Variants in EEF2K observed in about 807,000 individuals in gnomAD.
EEF2K encodes eukaryotic elongation factor 2 kinase, also known as alternative protein EEF2K.
EEF2K carries 70 observed loss-of-function variants against 93.8 expected under a neutral mutation model. The observed-to-expected ratio is 0.75, with a 90% CI of 0.62 to 0.91. The LOEUF (loss-of-function observed/expected upper bound fraction) is 0.91. Among genes scored for constraint, EEF2K ranks in the 40% least tolerant of loss-of-function variants. The probability of loss-of-function intolerance (pLI) is 0.00; values close to 1 mark genes in which losing one functional copy is unlikely to be tolerated. For missense variants in EEF2K, 935 were observed against 972.9 expected (o/e 0.96, Z 0.52); for synonymous variants, 376 against 380.8 (o/e 0.99, Z 0.15).
intron 4 of EEF2K, among the ~76,000 whole-genome samples, chr16:22,249,540 C>G (rs1382859161): frequency 6.6e-6 from 1 of 152,092 alleles, no homozygotes; most frequent in Admixed American, 6.6e-5. Context: ...GGTAAGCACC[C>G]CTCTGAATTC....
rs1198617901 is a variant in EEF2K at position 22,233,951 on chromosome 16, A to G, written c.246+7976A>G. On this transcript the variant is annotated intron_variant, in intron 2 of 17. Coordinates refer to ENST00000263026, the MANE Select transcript of EEF2K (RefSeq NM_013302.5). The stretch of plus-strand genomic sequence containing the variant: ...TTATTTAATGGCTGAATATCATTTC[A>G]TTGTTGGAAGCACCATAATAAATGT... 2.0e-5 allele frequency among the ~76,000 whole-genome samples: 3 copies of G among 152,116 alleles called. No homozygotes were observed. The East Asian group carries it at 5.8e-4, about 29-fold the overall frequency.
intron 2 of EEF2K, among the ~76,000 whole-genome samples, chr16:22,243,070 A>G (rs2047240941): frequency 6.6e-6 from 1 of 152,018 alleles, no homozygotes; most frequent in Non-Finnish European, 1.5e-5. Context: ...TCTTGAAAAA[A>G]AAATAAAAAA....
intron 13 of EEF2K, among the ~76,000 whole-genome samples, chr16:22,265,927 G>A (rs1303206074): frequency 1.3e-5 from 2 of 152,118 alleles, no homozygotes; most frequent in Admixed American, 6.6e-5. Context: ...CTGGCGAAGG[G>A]GTTGGTTTAG....
intron 15 of EEF2K, 42 bp from the exon 16 acceptor site, chr16:22,273,584 C>G: frequency 6.2e-7 from 1 of 1,609,054 alleles, no homozygotes; most frequent in South Asian, 1.1e-5. Flanking sequence ...GAGTGTAAGC[C>G]TCATTCACTC....
At chr16:22,234,924 C>T (rs1361227072) in intron 2 of EEF2K, among the ~76,000 whole-genome samples, 1 of 139,842 alleles carries the variant, frequency 7.2e-6, no homozygotes, top group Non-Finnish European at 1.5e-5. Flanking sequence ...TCTGTTGCCC[C>T]TGCTGGAGTG....
chr16:22,221,621 C>T (rs1195672664), intron 1 of EEF2K, among the ~76,000 whole-genome samples: 1 of 152,102 alleles, frequency 6.6e-6, no homozygotes, highest in Non-Finnish European at 1.5e-5. Flanking sequence ...AAAGCCTTGG[C>T]TCTAGAAGAC....
chr16:22,257,898 C>T (rs1171363845), intron 9 of EEF2K, 128 bp downstream of exon 9: 1 of 1,393,418 alleles, frequency 7.2e-7, no homozygotes, highest in African/African-American at 1.4e-5. Flanking sequence ...GGGCTGGAAG[C>T]ATCTGTCCCA....
chr16:22,216,722 C>T (rs1444752436), intron 1 of EEF2K, among the ~76,000 whole-genome samples: 4 of 151,780 alleles, frequency 2.6e-5, no homozygotes, highest in Non-Finnish European at 2.9e-5. Flanking sequence ...AGCAAGATGC[C>T]GTCTGTAATA....
chr16:22,241,636 CAAAAA>C (rs71151666), intron 2 of EEF2K, among the ~76,000 whole-genome samples: 4 of 49,190 alleles, frequency 8.1e-5, no homozygotes, highest in Admixed American at 5.1e-4. Flanking sequence ...GAGACTGTCT[CAAAAA>C]AAAAAAAAAA....
intron 2 of EEF2K, among the ~76,000 whole-genome samples, chr16:22,236,520 G>A (rs1237130300): frequency 6.6e-6 from 1 of 151,972 alleles, no homozygotes; most frequent in Non-Finnish European, 1.5e-5. Context: ...GTCTGCAGAA[G>A]TGATGATGGG....
rs867130990 is a variant in EEF2K at position 22,257,590 on chromosome 16, G to A, written c.902-53G>A. 14 of 1,597,516 alleles carry A rather than the reference G, an allele frequency of 8.8e-6. No homozygotes were observed. In the Middle Eastern group the frequency reaches 1.2e-3, roughly 133 times the overall value. On this transcript the variant is annotated intron_variant, in intron 8 of 17. Transcript: ENST00000263026. Reference sequence around the variant, plus strand: ...ATATGTATGAGGCCCACCACTGCCTGTCCCCCGTCACAGAGCAAAGCAACA... The same window carrying A: ...ATATGTATGAGGCCCACCACTGCCTATCCCCCGTCACAGAGCAAAGCAACA...
At chr16:22,243,610 C>A (rs936229948) in intron 2 of EEF2K, among the ~76,000 whole-genome samples, 2 of 151,674 alleles carry the variant, frequency 1.3e-5, no homozygotes, top group African/African-American at 4.8e-5. Flanking sequence ...CCCTGATATC[C>A]GGGCCAGCAC....
At chr16:22,274,005 C>A (rs185288286) in intron 16 of EEF2K, among the ~76,000 whole-genome samples, 1 of 152,282 alleles carries the variant, frequency 6.6e-6, no homozygotes, top group African/African-American at 2.4e-5. Context: ...CGGTGCCTGG[C>A]ACATAAAGCA....
At position 22,206,863 on chromosome 16, in the gene EEF2K, G is replaced by A. The variant is rs555266041; in HGVS notation, c.-77+184G>A. ...TGGTTGTTAAACTCTCTGGGGCTAA[G>A]TGCTTGCTTTGGAGAAATGGGGAAG... On this transcript the variant is annotated intron_variant, in intron 1 of 17. Coordinates refer to ENST00000263026, the MANE Select transcript of EEF2K (RefSeq NM_013302.5). Among the ~76,000 whole-genome samples the A allele has an allele frequency of 2.0e-5, 3 of 152,350 alleles. No individual in the cohort carries two copies. In the East Asian group the frequency reaches 5.8e-4, roughly 29 times the overall value.
chr16:22,272,637 C>T (rs1174522895), intron 15 of EEF2K, among the ~76,000 whole-genome samples: 1 of 150,324 alleles, frequency 6.7e-6, no homozygotes, highest in Non-Finnish European at 1.5e-5. Flanking sequence ...CCATACTGTT[C>T]TGTGAATATA....
intron 2 of EEF2K, among the ~76,000 whole-genome samples, chr16:22,238,322 G>A (rs999473215): frequency 9.2e-5 from 14 of 152,052 alleles, no homozygotes; most frequent in African/African-American, 3.1e-4. Context: ...AAGATCACCC[G>A]TGCTAGCATC....
intron 3 of EEF2K, 118 bp from the exon 4 acceptor site, chr16:22,248,637 T>C: frequency 1.6e-6 from 2 of 1,231,080 alleles, no homozygotes; most frequent in Admixed American, 1.9e-5. Context: ...TGGGCCAAGG[T>C]GGAGAGTGGG....
chr16:22,261,786 C>CT (rs1450118321), intron 11 of EEF2K, among the ~76,000 whole-genome samples: 5 of 151,994 alleles, frequency 3.3e-5, no homozygotes, highest in African/African-American at 9.7e-5. Context: ...AGGCAGACCA[C>CT]TTGAGGCCAG....
At chr16:22,239,520 C>T (rs541149160) in intron 2 of EEF2K, among the ~76,000 whole-genome samples, 22 of 152,196 alleles carry the variant, frequency 1.4e-4, no homozygotes, top group African/African-American at 4.8e-4. Flanking sequence ...CTTTAAGTTA[C>T]GGGGATTGGG....
Sources: allele counts gnomAD v4.1 joint callset (sites outside exome capture counted in the v4.1 genomes callset), GRCh38; gene constraint gnomAD v4.1.1; transcripts MANE v1.5; gene names NCBI Gene and HGNC (gene_info 2026-07-23, HGNC 2026-07-21).